FBXL3: variants seen among roughly 807,000 people sequenced by gnomAD.
FBXL3 encodes F-box and leucine rich repeat protein 3, also known as F-box/LRR-repeat protein 3.
FBXL3 carries 14 observed loss-of-function variants against 37.9 expected under a neutral mutation model. The observed-to-expected ratio is 0.37, with a 90% confidence interval of 0.24 to 0.58. The LOEUF (loss-of-function observed/expected upper bound fraction) is 0.58. Ranked by LOEUF, FBXL3 falls within the 20% of genes least tolerant of loss-of-function variation. The pLI, the probability that FBXL3 is intolerant of heterozygous loss-of-function variation, is 0.74. For missense variants in FBXL3, 327 were observed against 511.1 expected (o/e 0.64, Z 3.47); for synonymous variants, 194 against 180.1 (o/e 1.08, Z -0.62).
At chr13:77,013,214 C>T (rs2154036587) in intron 4 of FBXL3, 1 of 152,320 alleles carries the variant, frequency 6.6e-6, no homozygotes, top group Non-Finnish European at 1.5e-5. Context: ...CCTTAAGCTG[C>T]CCTGGTTCAT....
At chr13:77,021,238 A>G (rs2034737455) in intron 2 of FBXL3, among the ~76,000 whole-genome samples, 4 of 152,202 alleles carry the variant, frequency 2.6e-5, no homozygotes, top group Admixed American at 2.0e-4. Context: ...AAAATCGTTC[A>G]CAATAATTCA....
chr13:77,015,371 A>C lies in FBXL3; in HGVS notation c.643+38T>G, dbSNP rs777468164. 161 of 1,457,668 alleles carry C rather than the reference A, an allele frequency of 1.1e-4. 2 individuals are homozygous for C. In the Admixed American group the frequency reaches 3.8e-3, roughly 34 times the overall value. 90.3% of individuals were successfully genotyped at this position (1,457,668 alleles called of 1,614,324 possible). A position where few individuals can be genotyped will look rare whatever the true frequency, so the allele number is the denominator to read the frequency against. On this transcript the variant is annotated intron_variant, in intron 4 of 4. Coordinates refer to ENST00000355619, the MANE Select transcript of FBXL3 (RefSeq NM_012158.4). ...TTTTCTAATTTGAACATAGCAATGCATTTTACTAAAATGTGTCTAGCAAAA... is the reference window on the plus strand; with the variant it reads ...TTTTCTAATTTGAACATAGCAATGCCTTTTACTAAAATGTGTCTAGCAAAA...
At chr13:77,013,460 T>C (rs1318199729) in intron 4 of FBXL3, 2 of 152,162 alleles carry the variant, frequency 1.3e-5, no homozygotes, top group Non-Finnish European at 2.9e-5. Context: ...AACATGATTA[T>C]TGTAAAACCT....
intron 1 of FBXL3, chr13:77,026,167 T>A (rs2034835004): frequency 6.1e-6 from 6 of 985,258 alleles, no homozygotes; most frequent in Non-Finnish European, 6.0e-6. Context: ...ATGATCTCTC[T>A]CACCTCTCAG....
At chr13:77,026,601 G>T (rs1213428398) in intron 1 of FBXL3, among the ~76,000 whole-genome samples, 1 of 151,990 alleles carries the variant, frequency 6.6e-6, no homozygotes, top group Non-Finnish European at 1.5e-5. Context: ...ACGCCTTGTT[G>T]ACATGTTTGG....
intron 1 of FBXL3, 71 bp downstream of exon 1, chr13:77,026,756 C>T: frequency 6.8e-6 from 1 of 147,516 alleles, no homozygotes; most frequent in South Asian, 2.1e-4. Context: ...CCGGCCCGCC[C>T]ACAGACGGTC....
chr13:77,017,669 CTTATT>C (rs1326109257), intron 3 of FBXL3: 3 of 152,056 alleles, frequency 2.0e-5, no homozygotes, highest in Admixed American at 6.6e-5. Context: ...GCCCATTTCC[CTTATT>C]TTATATGTGA....
At chr13:77,022,983 C>T in intron 1 of FBXL3, among the ~76,000 whole-genome samples, 1 of 152,098 alleles carries the variant, frequency 6.6e-6, no homozygotes, top group East Asian at 1.9e-4. Context: ...AAATGCAATA[C>T]TATTAAGGCT....
At chr13:77,023,345 AGT>A (rs3037568) in intron 1 of FBXL3, among the ~76,000 whole-genome samples, 9,282 of 147,084 alleles carry the variant, frequency 0.063, 795 homozygotes, top group African/African-American at 0.19. Context: ...AGAGAGAGAG[AGT>A]GTGTGTGTGT....
intron 2 of FBXL3, 110 bp from the exon 3 acceptor site, chr13:77,018,832 C>A (rs1424513192): frequency 8.1e-6 from 7 of 862,740 alleles, no homozygotes; most frequent in Non-Finnish European, 1.1e-5. Flanking sequence ...TTTCTCTGTA[C>A]ACATATTCAT....
At chr13:77,016,937 A>C (rs1405111371) in intron 3 of FBXL3, 1 of 152,230 alleles carries the variant, frequency 6.6e-6, no homozygotes, top group African/African-American at 2.4e-5. Context: ...TTAAATGTTA[A>C]TATTTTTCTC....
At chr13:77,011,846 A>G (rs1250391479) in intron 4 of FBXL3, among the ~76,000 whole-genome samples, 4 of 152,194 alleles carry the variant, frequency 2.6e-5, no homozygotes, top group Non-Finnish European at 5.9e-5. Context: ...GTTAGAAGAC[A>G]CTGCTAGTGG....
chr13:77,019,605 T>TACCCA (rs2034705480), intron 2 of FBXL3, among the ~76,000 whole-genome samples: 1 of 152,168 alleles, frequency 6.6e-6, no homozygotes, highest in African/African-American at 2.4e-5. Context: ...CAAATGTTCA[T>TACCCA]ACCCAACCCA....
In FBXL3 at chr13:77,018,630, A is replaced by G; in HGVS notation, c.441T>C (p.Thr147=). 1.3e-6 allele frequency: 2 copies of G among 1,596,106 alleles called. No homozygotes were observed. Among genetic ancestry groups the G allele is most frequent in the East Asian group, 2.3e-5 (1 of 44,206 alleles). ...GTAAATCCATAAAGCTTGGTCGAGC[A>G]GTTGAAATAAGTCCAAGTGTTTTTA... is the stretch of plus-strand genomic sequence containing the variant. The part of the protein sequence containing the change: ...CSLKTLGLIS[T]ARPSFMDLPK... The change falls in exon 3 of 5, where the codon ACT becomes ACC. Residue 147 remains threonine, a synonymous_variant. Transcript: ENST00000355619.
intron 3 of FBXL3, chr13:77,016,231 A>T (rs949776445): frequency 6.6e-6 from 1 of 152,204 alleles, no homozygotes; most frequent in East Asian, 1.9e-4. Context: ...ATGTATGTAC[A>T]TATGTGTATA....
intron 4 of FBXL3, chr13:77,011,027 CAAAT>C (rs1306015784): frequency 6.6e-6 from 1 of 152,122 alleles, no homozygotes; most frequent in Non-Finnish European, 1.5e-5. Context: ...TAAATTAAGA[CAAAT>C]AACCCAAATT....
At chr13:77,014,536 G>C (rs2034610695) in intron 4 of FBXL3, 1 of 152,216 alleles carries the variant, frequency 6.6e-6, no homozygotes, top group Non-Finnish European at 1.5e-5. Context: ...TGGGAGAAAA[G>C]AGAATGAGCA....
At chr13:77,016,881 T>C (rs549120487) in intron 3 of FBXL3, 187 of 152,318 alleles carry the variant, frequency 1.2e-3, no homozygotes, top group African/African-American at 4.1e-3. Flanking sequence ...TTCCCTACTG[T>C]GATTAAACAA....
At position 77,027,154 on chromosome 13, in the gene FBXL3, G is replaced by C. The variant is rs2034861537; in HGVS notation, c.-329C>G. The C allele has an allele frequency of 6.7e-6, 1 of 149,618 alleles. No homozygotes were observed. Among genetic ancestry groups the C allele is most frequent in the Non-Finnish European group, 1.5e-5 (1 of 67,590 alleles). 9.3% of individuals were successfully genotyped at this position (149,618 alleles called of 1,614,324 possible). A position where few individuals can be genotyped will look rare whatever the true frequency, so the allele number is the denominator to read the frequency against. The stretch of plus-strand genomic sequence containing the variant: ...TTCCTGCACCTGGGCCACAAACAGC[G>C]AGTCTAAAATGGCGCCCAGGGCTCG... On this transcript the variant is annotated 5_prime_UTR_variant, in exon 1 of 5. Coordinates refer to ENST00000355619, the MANE Select transcript of FBXL3 (RefSeq NM_012158.4).
Sources: gnomAD v4.1 joint callset for allele counts (sites outside exome capture counted in the v4.1 genomes callset) on GRCh38, gnomAD v4.1.1 for gene constraint, MANE v1.5 for transcripts, NCBI Gene and HGNC (gene_info 2026-07-23, HGNC 2026-07-21) for gene names.